Variants in MARCHF10 observed in about 807,000 individuals in gnomAD.
MARCHF10 encodes membrane associated ring-CH-type finger 10, also known as probable E3 ubiquitin-protein ligase MARCHF10.
In MARCHF10, 64 loss-of-function variants were observed where a neutral mutation model predicts 76.2. The observed-to-expected ratio is 0.84, with a 90% confidence interval of 0.69 to 1.03. The LOEUF is 1.03. Among genes scored for constraint, MARCHF10 ranks in the 50% least tolerant of loss-of-function variants. MARCHF10 has a pLI of 0.00. For missense variants in MARCHF10, 875 were observed against 958.0 expected (o/e 0.91, Z 1.14); for synonymous variants, 340 against 357.5 (o/e 0.95, Z 0.55).
At chr17:62,788,709 G>A (rs969673216) in intron 2 of MARCHF10, 110 bp from the exon 3 acceptor site, 2 of 1,404,502 alleles carry the variant, frequency 1.4e-6, no homozygotes, top group Admixed American at 1.8e-5. Context: ...TGCATCTCCA[G>A]GTGTTCATCA....
At chr17:62,722,389 G>A in intron 8 of MARCHF10, 99 bp downstream of exon 8, 1 of 778,562 alleles carries the variant, frequency 1.3e-6, no homozygotes, top group Admixed American at 2.3e-5. Context: ...TGCCAGCAGA[G>A]ACCTTCTACA....
At chr17:62,799,229 C>A (rs1487607626) in intron 2 of MARCHF10, among the ~76,000 whole-genome samples, 1 of 152,170 alleles carries the variant, frequency 6.6e-6, no homozygotes, top group African/African-American at 2.4e-5. Context: ...GCTTCTATTT[C>A]CTGGGCCGGG....
intron 5 of MARCHF10, among the ~76,000 whole-genome samples, chr17:62,743,624 C>A (rs1257794389): frequency 6.6e-6 from 1 of 152,074 alleles, no homozygotes; most frequent in Non-Finnish European, 1.5e-5. Flanking sequence ...GCCTGGGCAA[C>A]AGAGGGAGAC....
At chr17:62,709,337 G>A (rs1006740750) in intron 9 of MARCHF10, among the ~76,000 whole-genome samples, 23 of 151,972 alleles carry the variant, frequency 1.5e-4, no homozygotes, top group African/African-American at 3.6e-4. Context: ...CAAATTAGCC[G>A]GGCACAATAC....
chr17:62,792,999 T>A (rs1373268124), intron 2 of MARCHF10, among the ~76,000 whole-genome samples: 8 of 111,404 alleles, frequency 7.2e-5, no homozygotes, highest in South Asian at 3.3e-4. Flanking sequence ...TACCACCACC[T>A]CCATCACCAC....
intron 4 of MARCHF10, among the ~76,000 whole-genome samples, chr17:62,749,537 A>G (rs1266617813): frequency 1.3e-5 from 2 of 152,220 alleles, no homozygotes; most frequent in Admixed American, 6.5e-5. Context: ...GGTAATAGGC[A>G]GCTTTCTGTG....
At position 62,724,993 on chromosome 17, in the gene MARCHF10, C is replaced by T. The variant is rs1474114724; in HGVS notation, c.2049G>A (p.Leu683=). 6.2e-7 allele frequency: 1 copy of T among 1,611,704 alleles called. No individual in the cohort carries two copies. Among genetic ancestry groups the T allele is most frequent in the Non-Finnish European group, 8.5e-7 (1 of 1,179,144 alleles). ...TCAGGCACTCTTGATGAACAAACTG[C>T]AGGCTTCCCACACAGCCGCAAGGCT... is the stretch of plus-strand genomic sequence containing the variant. ...LLEPCGCVGS[L]QFVHQECLKK... The change falls in exon 7 of 11, where the codon CTG becomes CTA. Residue 683 remains leucine (L), a synonymous_variant. Transcript: ENST00000311269.
chr17:62,740,075 TGTGTGTGC>T (rs372994751), intron 5 of MARCHF10, among the ~76,000 whole-genome samples: 1 of 134,972 alleles, frequency 7.4e-6, no homozygotes, highest in Non-Finnish European at 1.7e-5. Context: ...TGTGTGTGTG[TGTGTGTGC>T]GTGTGTGTGT....
At chr17:62,707,504 C>T (rs1283610723) in intron 9 of MARCHF10, 1 of 152,288 alleles carries the variant, frequency 6.6e-6, no homozygotes, top group African/African-American at 2.4e-5. Context: ...TGCCACCAGG[C>T]TCCCAAAGAA....
At position 62,805,922 on chromosome 17, in the gene MARCHF10, A is replaced by C. The variant is rs1467930953; in HGVS notation, c.-18+2155T>G. 2.7e-5 allele frequency among the ~76,000 whole-genome samples: 4 copies of C among 150,832 alleles called. No homozygotes were observed. The South Asian group carries it at 8.3e-4, about 31-fold the overall frequency. ...CCCCTCAAAAATAAAAAAAAATAATAATAATAATAATAAAATAATAAAAAT... is the reference window on the plus strand; with the variant it reads ...CCCCTCAAAAATAAAAAAAAATAATCATAATAATAATAAAATAATAAAAAT... On this transcript the variant is annotated intron_variant, in intron 1 of 10. Transcript: ENST00000311269.
intron 10 of MARCHF10, chr17:62,703,348 G>A (rs2089363301): frequency 1.3e-5 from 2 of 152,376 alleles, no homozygotes. Context: ...CTGCCAACCA[G>A]GCGAGTCATG....
rs916128993 is a variant in MARCHF10, at chr17:62,780,419, C to T, written c.210+8061G>A. On this transcript the variant is annotated intron_variant, in intron 3 of 10. Coordinates refer to ENST00000311269, the MANE Select transcript of MARCHF10 (RefSeq NM_152598.4). Reference sequence around the variant, plus strand: ...ATGAACAAAACAATTACAGTGTTTACGTTGGGTAACAGCCTTCCTCTGGAG... The same window carrying T: ...ATGAACAAAACAATTACAGTGTTTATGTTGGGTAACAGCCTTCCTCTGGAG... 7.9e-5 allele frequency among the ~76,000 whole-genome samples: 12 copies of T among 152,278 alleles called. No individual in the cohort carries two copies. In the South Asian group the frequency reaches 1.5e-3, roughly 18 times the overall value.
intron 4 of MARCHF10, among the ~76,000 whole-genome samples, chr17:62,747,775 G>T (rs2091756596): frequency 6.6e-6 from 1 of 152,154 alleles, no homozygotes; most frequent in Admixed American, 6.5e-5. Context: ...CTTCATTCCG[G>T]TGTAGTTCTT....
chr17:62,797,261 G>C (rs1257544858), intron 2 of MARCHF10, among the ~76,000 whole-genome samples: 1 of 152,164 alleles, frequency 6.6e-6, no homozygotes, highest in Non-Finnish European at 1.5e-5. Context: ...CTGGAGTAGA[G>C]TGGCACTATC....
intron 5 of MARCHF10, chr17:62,737,649 T>TA (rs1039261826): frequency 6.4e-6 from 2 of 311,054 alleles, no homozygotes; most frequent in Non-Finnish European, 1.2e-5. Context: ...AACCTCACAC[T>TA]AAATACTGGC....
chr17:62,725,591 C>T (rs2090719825), intron 6 of MARCHF10, among the ~76,000 whole-genome samples: 2 of 152,216 alleles, frequency 1.3e-5, no homozygotes, highest in African/African-American at 4.8e-5. Context: ...TAACAGGCTT[C>T]TTTGCAATTG....
chr17:62,762,869 C>G (rs146597261), intron 3 of MARCHF10, among the ~76,000 whole-genome samples: 1 of 152,180 alleles, frequency 6.6e-6, no homozygotes, highest in Non-Finnish European at 1.5e-5. Context: ...GAAACCCCAT[C>G]GTATCACGCA....
Position 62,792,485 on chromosome 17 carries a change from C to T in MARCHF10, c.91-3886G>A, listed in dbSNP as rs1355573693. Among the ~76,000 whole-genome samples, 5 of 151,896 alleles carry T rather than the reference C, an allele frequency of 3.3e-5. No homozygotes were observed. In the East Asian group the frequency reaches 7.7e-4, roughly 23 times the overall value. On this transcript the variant is annotated intron_variant, in intron 2 of 10. Transcript: ENST00000311269. ...AATCAAGGGTGCCTACTAACACCAT[C>T]ACCATCACCACCACCACCATGACTA... is the stretch of plus-strand genomic sequence containing the variant.
intron 3 of MARCHF10, among the ~76,000 whole-genome samples, chr17:62,766,111 G>T (rs1026464689): frequency 1.3e-5 from 2 of 149,708 alleles, no homozygotes; most frequent in African/African-American, 2.5e-5. Flanking sequence ...CAGAAGGATT[G>T]CCCACGCCTA....
Sources: gnomAD v4.1 joint callset for allele counts (sites outside exome capture counted in the v4.1 genomes callset) on GRCh38, gnomAD v4.1.1 for gene constraint, MANE v1.5 for transcripts, NCBI Gene and HGNC (gene_info 2026-07-23, HGNC 2026-07-21) for gene names.